TBC1D12: variants seen among roughly 807,000 people sequenced by gnomAD.
TBC1D12 encodes the protein TBC1 domain family, member 12.
TBC1D12 carries 56 observed loss-of-function variants against 86.7 expected under a neutral mutation model. The observed-to-expected ratio is 0.65, with a 90% CI of 0.52 to 0.81. The LOEUF (loss-of-function observed/expected upper bound fraction) is 0.81, where lower values mean the gene tolerates loss of function less well. Among genes scored for constraint, TBC1D12 ranks in the 30% least tolerant of loss-of-function variants. The pLI, the probability that TBC1D12 is intolerant of heterozygous loss-of-function variation, is 0.00. For missense variants in TBC1D12, 1,023 were observed against 1,038.8 expected (o/e 0.98, Z 0.21); for synonymous variants, 421 against 411.7 (o/e 1.02, Z -0.27).
At chr10:94,453,545 A>G (rs1564953860) in intron 2 of TBC1D12, among the ~76,000 whole-genome samples, 1 of 152,132 alleles carries the variant, frequency 6.6e-6, no homozygotes, top group Non-Finnish European at 1.5e-5. Context: ...TCATATGTGT[A>G]GGAAAAAAGC....
intron 3 of TBC1D12, among the ~76,000 whole-genome samples, chr10:94,490,877 G>A (rs1287048068): frequency 1.3e-5 from 2 of 150,566 alleles, no homozygotes; most frequent in Admixed American, 6.6e-5. Flanking sequence ...TTTTTCTCTG[G>A]TGGTTCTTTC....
At chr10:94,515,165 C>G (rs570242522) in intron 9 of TBC1D12, among the ~76,000 whole-genome samples, 15 of 151,686 alleles carry the variant, frequency 9.9e-5, no homozygotes, top group Admixed American at 7.2e-4. Flanking sequence ...CCTCGGCCTC[C>G]CAAAGTGCTG....
At chr10:94,504,848 T>C (rs2056441189) in intron 6 of TBC1D12, among the ~76,000 whole-genome samples, 3 of 152,196 alleles carry the variant, frequency 2.0e-5, no homozygotes, top group Non-Finnish European at 2.9e-5. Context: ...AAGCAAAATA[T>C]ACACTGAAAT....
At chr10:94,448,060 A>T (rs1256413261) in intron 2 of TBC1D12, among the ~76,000 whole-genome samples, 2 of 151,934 alleles carry the variant, frequency 1.3e-5, no homozygotes, top group Non-Finnish European at 2.9e-5. Flanking sequence ...GTTTAAGTTG[A>T]GTGGTTGAAT....
chr10:94,447,484 G>A (rs2055486296), intron 2 of TBC1D12, among the ~76,000 whole-genome samples: 1 of 152,088 alleles, frequency 6.6e-6, no homozygotes, highest in African/African-American at 2.4e-5. Flanking sequence ...CAATTTTAGT[G>A]CTTTCCATGT....
intron 6 of TBC1D12, among the ~76,000 whole-genome samples, chr10:94,501,169 C>T (rs538656096): frequency 1.3e-5 from 2 of 151,940 alleles, no homozygotes; most frequent in Non-Finnish European, 1.5e-5. Flanking sequence ...AAAACTTTAG[C>T]CGGGCATGGT....
chr10:94,460,381 G>A (rs2055706562), intron 2 of TBC1D12, among the ~76,000 whole-genome samples: 1 of 151,434 alleles, frequency 6.6e-6, no homozygotes, highest in South Asian at 2.1e-4. Context: ...TAACTTTGTA[G>A]GGTACAGAAT....
chr10:94,520,020 A>G (rs980539388), intron 9 of TBC1D12, among the ~76,000 whole-genome samples: 2 of 152,222 alleles, frequency 1.3e-5, no homozygotes, highest in Admixed American at 1.3e-4. Flanking sequence ...CATGGAACTT[A>G]AGTTCTAGAA....
chr10:94,461,739 G>C (rs1189680802), intron 2 of TBC1D12, among the ~76,000 whole-genome samples: 1 of 152,144 alleles, frequency 6.6e-6, no homozygotes, highest in African/African-American at 2.4e-5. Context: ...AGAGGTTTCA[G>C]CTTCTGGGTT....
intron 9 of TBC1D12, among the ~76,000 whole-genome samples, chr10:94,515,128 C>T (rs1487121092): frequency 6.6e-6 from 1 of 150,816 alleles, no homozygotes; most frequent in Non-Finnish European, 1.5e-5. Context: ...GGGATGGTCT[C>T]GATCTCCTGA....
intron 11 of TBC1D12, among the ~76,000 whole-genome samples, chr10:94,524,516 G>A (rs1348299992): frequency 2.6e-5 from 4 of 151,978 alleles, no homozygotes; most frequent in African/African-American, 4.8e-5. Flanking sequence ...CGAGGCAGGC[G>A]GATCACGAGG....
At chr10:94,508,267 G>A (rs888602231) in intron 7 of TBC1D12, among the ~76,000 whole-genome samples, 2 of 150,866 alleles carry the variant, frequency 1.3e-5, no homozygotes, top group African/African-American at 4.9e-5. Context: ...TTTTTTGGTG[G>A]GGGATAGATA....
intron 1 of TBC1D12, among the ~76,000 whole-genome samples, chr10:94,421,924 T>C (rs2055079199): frequency 6.6e-6 from 1 of 152,212 alleles, no homozygotes; most frequent in Non-Finnish European, 1.5e-5. Flanking sequence ...TATTTTGGAT[T>C]CTAGACCCTT....
At chr10:94,506,962 G>A (rs2056467727) in intron 6 of TBC1D12, among the ~76,000 whole-genome samples, 1 of 152,118 alleles carries the variant, frequency 6.6e-6, no homozygotes, top group South Asian at 2.1e-4. Context: ...TTGAATCTAG[G>A]TCTGATTGAC....
In TBC1D12 at chr10:94,518,715, T is replaced by C. The variant is rs573320735; in HGVS notation, c.1762-3240T>C. Among the ~76,000 whole-genome samples the C allele has an allele frequency of 3.3e-5, 5 of 152,346 alleles. No homozygotes were observed. In the South Asian group the frequency reaches 8.3e-4, roughly 25 times the overall value. On this transcript the variant is annotated intron_variant, in intron 9 of 12. Transcript: ENST00000225235. ...TAGAAATAACTTTTTCTTATTTTCT[T>C]TTCATATATGCACAAGAGTGATATA...
chr10:94,530,422 G>A (rs1237766744), intron 11 of TBC1D12, among the ~76,000 whole-genome samples: 1 of 152,192 alleles, frequency 6.6e-6, no homozygotes, highest in African/African-American at 2.4e-5. Context: ...GCAAGGGGAA[G>A]AGAAAAGAGA....
intron 1 of TBC1D12, among the ~76,000 whole-genome samples, chr10:94,420,512 A>T (rs995899512): frequency 6.6e-6 from 1 of 152,220 alleles, no homozygotes; most frequent in Non-Finnish European, 1.5e-5. Context: ...CTCTGTACTC[A>T]CTAAGCAGTC....
At chr10:94,409,849 AAAGGTAATACC>A (rs1193193161) in intron 1 of TBC1D12, among the ~76,000 whole-genome samples, 1 of 152,190 alleles carries the variant, frequency 6.6e-6, no homozygotes, top group Non-Finnish European at 1.5e-5. Flanking sequence ...GAAAAGTTGC[AAAGGTAATACC>A]AAGAGTTTCC....
At chr10:94,522,256 G>A (rs1217558737) in intron 10 of TBC1D12, 88 bp from the exon 11 acceptor site, 5 of 1,079,850 alleles carry the variant, frequency 4.6e-6, no homozygotes, top group Non-Finnish European at 6.4e-6. Flanking sequence ...TTCTTAATGA[G>A]CACGATTTCC....
Sources: gnomAD v4.1 joint callset for allele counts (sites outside exome capture counted in the v4.1 genomes callset) on GRCh38, gnomAD v4.1.1 for gene constraint, MANE v1.5 for transcripts, NCBI Gene and HGNC (gene_info 2026-07-23, HGNC 2026-07-21) for gene names.